ALG14: variants seen among roughly 807,000 people sequenced by gnomAD.
ALG14 encodes ALG14 UDP-N-acetylglucosaminyltransferase subunit, also known as UDP-N-acetylglucosamine transferase subunit ALG14.
ALG14 carries 17 observed loss-of-function variants against 22.8 expected under a neutral mutation model. The ratio of observed to expected loss-of-function variants is 0.75; its 90% CI spans 0.51 to 1.12. The LOEUF is 1.12. Among genes scored for constraint, ALG14 ranks in the 50% most tolerant of loss-of-function variants. The pLI is 0.00. For synonymous variants in ALG14, 89 were observed against 103.7 expected (o/e 0.86, Z 0.86); for missense variants, 288 against 271.8 (o/e 1.06, Z -0.42).
chr1:94,975,011 A>G lies in ALG14; in HGVS notation c.*8065T>C, dbSNP rs1672367772. The G allele has an allele frequency of 6.6e-6, 1 of 152,262 alleles. No individual in the cohort carries two copies. Among genetic ancestry groups the G allele is most frequent in the African/African-American group, 2.4e-5 (1 of 41,458 alleles). 9.4% of individuals were successfully genotyped at this position (152,262 alleles called of 1,614,324 possible). A position where few individuals can be genotyped will look rare whatever the true frequency, so the allele number is the denominator to read the frequency against. On this transcript the variant is annotated 3_prime_UTR_variant, in exon 4 of 4. Transcript: ENST00000370205. Reference sequence around the variant, plus strand: ...GATGTGACTGTCAATTGGAATGTCTACAGATACCATAAAATTCACCCAGTA... The same window carrying G: ...GATGTGACTGTCAATTGGAATGTCTGCAGATACCATAAAATTCACCCAGTA...
At chr1:95,069,053 C>G (rs1675472562) in intron 1 of ALG14, among the ~76,000 whole-genome samples, 2 of 152,200 alleles carry the variant, frequency 1.3e-5, no homozygotes, top group Admixed American at 1.3e-4. Flanking sequence ...TCAACTCTGG[C>G]CATTCCAAGT....
At chr1:94,993,329 A>G (rs1672824374) in intron 3 of ALG14, among the ~76,000 whole-genome samples, 1 of 146,292 alleles carries the variant, frequency 6.8e-6, no homozygotes, top group Admixed American at 6.9e-5. Flanking sequence ...ATAAATATAT[A>G]TTTTAAATCT....
Position 94,978,965 on chromosome 1 carries a change from CCT to C in ALG14, c.*4109_*4110del, listed in dbSNP as rs1672447356. Reference sequence around the variant, plus strand: ...CTATAATCTTTAATAAATTACTTAACCTCTCTGTGGTGTAAATATTATAAAAA... The same window carrying C: ...CTATAATCTTTAATAAATTACTTAACCTCTGTGGTGTAAATATTATAAAAA... On this transcript the variant is annotated 3_prime_UTR_variant, in exon 4 of 4. Coordinates refer to ENST00000370205, the MANE Select transcript of ALG14 (RefSeq NM_144988.4). 1 of 151,410 alleles carries C rather than the reference CCT, an allele frequency of 6.6e-6. No homozygotes were observed. Among genetic ancestry groups the C allele is most frequent in the African/African-American group, 2.4e-5 (1 of 41,198 alleles). 9.4% of individuals were successfully genotyped at this position (151,410 alleles called of 1,614,324 possible). A position where few individuals can be genotyped will look rare whatever the true frequency, so the allele number is the denominator to read the frequency against.
At chr1:95,003,087 C>T (rs1673111282) in intron 3 of ALG14, among the ~76,000 whole-genome samples, 1 of 152,196 alleles carries the variant, frequency 6.6e-6, no homozygotes, top group Admixed American at 6.5e-5. Context: ...AGGCTTTAAA[C>T]ATTTAGCAGA....
intron 1 of ALG14, among the ~76,000 whole-genome samples, chr1:95,067,698 G>A (rs746105632): frequency 2.6e-5 from 4 of 151,974 alleles, no homozygotes; most frequent in South Asian, 2.1e-4. Context: ...CCTCTCATAC[G>A]GATTATGAAC....
intron 2 of ALG14, among the ~76,000 whole-genome samples, chr1:95,054,923 G>T (rs1674878652): frequency 6.6e-6 from 1 of 152,130 alleles, no homozygotes; most frequent in Admixed American, 6.5e-5. Context: ...CAATATGTTT[G>T]CAAACCAAAT....
intron 3 of ALG14, among the ~76,000 whole-genome samples, chr1:95,016,714 G>A (rs922197680): frequency 6.6e-6 from 1 of 152,032 alleles, no homozygotes; most frequent in East Asian, 1.9e-4. Context: ...TAGTCCCCAA[G>A]AACATCTATT....
chr1:95,062,248 T>C (rs956341800), intron 2 of ALG14: 4 of 152,240 alleles, frequency 2.6e-5, no homozygotes, highest in African/African-American at 9.6e-5. Context: ...GCTTTCTCTA[T>C]TTAAAAGAAT....
At chr1:95,036,459 C>T (rs1411998397) in intron 2 of ALG14, among the ~76,000 whole-genome samples, 4 of 133,980 alleles carry the variant, frequency 3.0e-5, no homozygotes, top group Non-Finnish European at 6.2e-5. Flanking sequence ...TGGAGTCTCA[C>T]TCTGTTGCCC....
intron 3 of ALG14, among the ~76,000 whole-genome samples, chr1:95,026,288 T>C (rs1673812599): frequency 6.6e-6 from 1 of 152,236 alleles, no homozygotes; most frequent in Non-Finnish European, 1.5e-5. Context: ...ACAACTTGAC[T>C]AACTGCCTAT....
intron 2 of ALG14, among the ~76,000 whole-genome samples, chr1:95,050,803 A>AAGG (rs1228120549): frequency 6.6e-6 from 1 of 152,108 alleles, no homozygotes; most frequent in Admixed American, 6.6e-5. Context: ...TTATTAATAG[A>AAGG]AGGCCCTAAG....
At chr1:95,052,908 T>C (rs1360015307) in intron 2 of ALG14, among the ~76,000 whole-genome samples, 1 of 150,570 alleles carries the variant, frequency 6.6e-6, no homozygotes, top group Admixed American at 6.6e-5. Context: ...TAATTTCCAT[T>C]TCCAAATGAA....
intron 3 of ALG14, among the ~76,000 whole-genome samples, 178 bp downstream of exon 3, chr1:95,026,951 A>G (rs1394080004): frequency 3.3e-5 from 5 of 152,186 alleles, no homozygotes; most frequent in Non-Finnish European, 7.3e-5. Flanking sequence ...ACTGATATTT[A>G]TTTCTTACAG....
intron 2 of ALG14, among the ~76,000 whole-genome samples, chr1:95,030,151 T>C (rs1316592205): frequency 6.6e-6 from 1 of 152,236 alleles, no homozygotes; most frequent in Non-Finnish European, 1.5e-5. Context: ...TACCACATAT[T>C]ATATAATATC....
At chr1:95,053,372 T>C (rs1056468169) in intron 2 of ALG14, among the ~76,000 whole-genome samples, 17 of 152,054 alleles carry the variant, frequency 1.1e-4, no homozygotes, top group Non-Finnish European at 2.5e-4. Context: ...TTCATAATGA[T>C]TAAAAATAAT....
chr1:95,016,678 C>T (rs968732948), intron 3 of ALG14, among the ~76,000 whole-genome samples: 12 of 152,172 alleles, frequency 7.9e-5, no homozygotes, highest in African/African-American at 2.7e-4. Context: ...AATAAGCCCA[C>T]TGCCTTCATT....
intron 2 of ALG14, among the ~76,000 whole-genome samples, chr1:95,049,263 T>G (rs900915399): frequency 6.6e-6 from 1 of 152,198 alleles, no homozygotes; most frequent in Non-Finnish European, 1.5e-5. Context: ...GCAAGCACAG[T>G]GGCTCACACC....
chr1:95,029,952 A>G (rs1308191397), intron 2 of ALG14, among the ~76,000 whole-genome samples: 1 of 152,188 alleles, frequency 6.6e-6, no homozygotes, highest in African/African-American at 2.4e-5. Context: ...ACTAGAAACT[A>G]ATACTGAGTA....
chr1:95,063,123 CT>C (rs1232622263), intron 2 of ALG14, among the ~76,000 whole-genome samples: 8 of 152,132 alleles, frequency 5.3e-5, no homozygotes, highest in African/African-American at 1.9e-4. Context: ...TGTTCATGTC[CT>C]TTGCCCACTT....
Sources: gnomAD v4.1 joint callset for allele counts (sites outside exome capture counted in the v4.1 genomes callset) on GRCh38, gnomAD v4.1.1 for gene constraint, MANE v1.5 for transcripts, NCBI Gene and HGNC (gene_info 2026-07-23, HGNC 2026-07-21) for gene names.